The following PEBP4 variants were observed in gnomAD, a reference collection of about 807,000 sequenced individuals.
PEBP4 encodes phosphatidylethanolamine binding protein 4, also known as phosphatidylethanolamine-binding protein 4.
Under a neutral mutation model 23.9 loss-of-function variants are expected in PEBP4, and 22 were observed. That is an observed-to-expected ratio of 0.92 (90% CI 0.66 to 1.31). The LOEUF (loss-of-function observed/expected upper bound fraction) is 1.31, where lower values mean the gene tolerates loss of function less well. PEBP4 is among the 40% of genes most tolerant of loss of function. The pLI is 0.00. For missense variants in PEBP4, 324 were observed against 281.7 expected (o/e 1.15, Z -1.07); for synonymous variants, 112 against 99.3 (o/e 1.13, Z -0.76).
intron 4 of PEBP4, among the ~76,000 whole-genome samples, chr8:22,791,831 A>C (rs1176291852): frequency 6.6e-6 from 1 of 151,788 alleles, no homozygotes; most frequent in Non-Finnish European, 1.5e-5. Context: ...AAGCCTGTGC[A>C]CTAGGGGGCT....
intron 4 of PEBP4, among the ~76,000 whole-genome samples, chr8:22,799,348 A>T (rs1806334574): frequency 6.6e-6 from 1 of 152,218 alleles, no homozygotes; most frequent in African/African-American, 2.4e-5. Context: ...CCATGTGACT[A>T]GCCCTTTCCA....
At chr8:22,762,765 G>T (rs2128753106) in intron 4 of PEBP4, among the ~76,000 whole-genome samples, 1 of 152,266 alleles carries the variant, frequency 6.6e-6, no homozygotes, top group South Asian at 2.1e-4. Context: ...GAGTCTTGGG[G>T]TTGAAGGCAT....
intron 4 of PEBP4, among the ~76,000 whole-genome samples, chr8:22,788,419 C>T (rs902994638): frequency 2.0e-5 from 3 of 152,152 alleles, no homozygotes; most frequent in Non-Finnish European, 4.4e-5. Context: ...TGAGAGGTGA[C>T]GCAGGGAGGG....
chr8:22,804,778 G>A lies in PEBP4; in HGVS notation c.357+12859C>T, dbSNP rs144158737. Among the ~76,000 whole-genome samples, 10 of 152,112 alleles carry A rather than the reference G, an allele frequency of 6.6e-5. No homozygotes were observed. The East Asian group carries it at 1.7e-3, about 26-fold the overall frequency. ...AGCTTCCTTGGTGATTCTAACAAAC[G>A]GTTAGAACCTCCATCCTTCCTGGTC... On this transcript the variant is annotated intron_variant, in intron 4 of 6. Coordinates refer to ENST00000256404, the MANE Select transcript of PEBP4 (RefSeq NM_144962.3).
At chr8:22,929,849 C>T (rs2128782601), upstream of PEBP4, among the ~76,000 whole-genome samples, 1 of 152,272 alleles carries the variant, frequency 6.6e-6, no homozygotes, top group South Asian at 2.1e-4. Flanking sequence ...GCTGGGAGTA[C>T]AGGCACACCA....
intron 4 of PEBP4, among the ~76,000 whole-genome samples, chr8:22,777,551 C>T (rs767367032): frequency 3.9e-5 from 6 of 152,140 alleles, no homozygotes; most frequent in African/African-American, 1.4e-4. Flanking sequence ...CTGGTGACAG[C>T]CTGAGGTGGC....
chr8:22,726,707 A>G (rs1804628384), intron 5 of PEBP4, among the ~76,000 whole-genome samples: 1 of 152,252 alleles, frequency 6.6e-6, no homozygotes. Context: ...ATTTGAATCC[A>G]GGCCTGCTTG....
intron 4 of PEBP4, among the ~76,000 whole-genome samples, chr8:22,801,017 C>T (rs2128758681): frequency 6.6e-6 from 1 of 152,246 alleles, no homozygotes; most frequent in South Asian, 2.1e-4. Context: ...CCTGCCCATC[C>T]AGCCTCCCCA....
At chr8:22,889,556 C>G in intron 3 of PEBP4, among the ~76,000 whole-genome samples, 1 of 152,152 alleles carries the variant, frequency 6.6e-6, no homozygotes. Context: ...AAACAGAACC[C>G]TTAAAGGAGG....
At position 22,923,593 on chromosome 8, in the gene PEBP4, C is replaced by G. The variant is rs185558966; in HGVS notation, c.132-3283G>C. Among the ~76,000 whole-genome samples, 33 of 152,198 alleles carry G rather than the reference C, an allele frequency of 2.2e-4. 2 individuals are homozygous for G. The East Asian group carries it at 5.8e-3, about 27-fold the overall frequency. The stretch of plus-strand genomic sequence containing the variant: ...CCCTGTCTCTAGAAACGTGGCTTCT[C>G]AGCTGTGCCTGTATGAAGGGCTTAG... On this transcript the variant is annotated intron_variant, in intron 2 of 6. Coordinates refer to ENST00000256404, the MANE Select transcript of PEBP4 (RefSeq NM_144962.3).
At chr8:22,765,412 G>A (rs1017422859) in intron 4 of PEBP4, among the ~76,000 whole-genome samples, 11 of 152,128 alleles carry the variant, frequency 7.2e-5, no homozygotes, top group African/African-American at 2.7e-4. Context: ...CCAAAGTGCT[G>A]GGATTATAGG....
intron 3 of PEBP4, among the ~76,000 whole-genome samples, chr8:22,882,923 C>A (rs182422816): frequency 1.3e-5 from 2 of 152,332 alleles, no homozygotes; most frequent in African/African-American, 4.8e-5. Flanking sequence ...CACCCTACCC[C>A]ACCTGTTCCT....
intron 4 of PEBP4, among the ~76,000 whole-genome samples, chr8:22,748,287 C>T (rs1308250775): frequency 6.6e-5 from 10 of 151,954 alleles, no homozygotes; most frequent in African/African-American, 1.9e-4. Context: ...TGAGAGGAGC[C>T]CTCCAGGGTG....
At chr8:22,875,951 C>A (rs955255025) in intron 3 of PEBP4, among the ~76,000 whole-genome samples, 11 of 152,126 alleles carry the variant, frequency 7.2e-5, no homozygotes, top group Non-Finnish European at 1.5e-4. Flanking sequence ...ACTCTGTCGC[C>A]CAGGCTGAAG....
At chr8:22,852,547 A>G (rs1807570661) in intron 3 of PEBP4, among the ~76,000 whole-genome samples, 1 of 152,170 alleles carries the variant, frequency 6.6e-6, no homozygotes, top group East Asian at 1.9e-4. Context: ...ACACACCACA[A>G]GAGCGTCCAA....
At chr8:22,937,118 TA>T (rs1171735937) in intron 1 of PEBP4, among the ~76,000 whole-genome samples, 1 of 152,146 alleles carries the variant, frequency 6.6e-6, no homozygotes, top group East Asian at 1.9e-4. Flanking sequence ...AGAAAAGAAA[TA>T]AAAGGCATCC....
intron 4 of PEBP4, among the ~76,000 whole-genome samples, chr8:22,805,002 C>T (rs572989552): frequency 1.4e-4 from 21 of 152,252 alleles, no homozygotes; most frequent in African/African-American, 2.9e-4. Context: ...ACTTTCTCCC[C>T]GCTCTCCTTC....
At chr8:22,835,154 T>C (rs1475529060) in intron 3 of PEBP4, among the ~76,000 whole-genome samples, 5 of 152,200 alleles carry the variant, frequency 3.3e-5, no homozygotes, top group African/African-American at 1.2e-4. Flanking sequence ...CTTAGGGAGT[T>C]ATTTACTGTC....
chr8:22,877,253 G>A (rs1808139796), intron 3 of PEBP4, among the ~76,000 whole-genome samples: 1 of 152,148 alleles, frequency 6.6e-6, no homozygotes. Flanking sequence ...GTCCTCAGTT[G>A]TCCAGGTGAG....
Sources: allele counts gnomAD v4.1 joint callset (sites outside exome capture counted in the v4.1 genomes callset), GRCh38; gene constraint gnomAD v4.1.1; transcripts MANE v1.5; gene names NCBI Gene and HGNC (gene_info 2026-07-23, HGNC 2026-07-21).